The following ANKS1B variants were observed in gnomAD, a reference collection of about 807,000 sequenced individuals.
ANKS1B encodes ankyrin repeat and sterile alpha motif domain containing 1B, also known as ankyrin repeat and sterile alpha motif domain-containing protein 1B.
ANKS1B carries 36 observed loss-of-function variants against 148.3 expected under a neutral mutation model. The observed-to-expected ratio is 0.24, with a 90% confidence interval of 0.19 to 0.32. The LOEUF is 0.32. Ranked by LOEUF, ANKS1B falls within the 10% of genes least tolerant of loss-of-function variation. The probability of loss-of-function intolerance (pLI) is 1.00; values close to 1 mark genes in which losing one functional copy is unlikely to be tolerated. For synonymous variants in ANKS1B, 542 were observed against 560.8 expected, an observed-to-expected ratio of 0.97 and a Z score of 0.47; for missense variants, 1,157 against 1,542.6, an observed-to-expected ratio of 0.75 and a Z score of 4.19.
At chr12:99,317,090 G>T (rs2084260606) in intron 12 of ANKS1B, among the ~76,000 whole-genome samples, 1 of 152,180 alleles carries the variant, frequency 6.6e-6, no homozygotes, top group Non-Finnish European at 1.5e-5. Context: ...ATAATTTGAA[G>T]TCAGGTAGCG....
At chr12:98,900,209 C>T (rs559553005) in intron 17 of ANKS1B, among the ~76,000 whole-genome samples, 3 of 152,250 alleles carry the variant, frequency 2.0e-5, no homozygotes, top group South Asian at 2.1e-4. Context: ...AATTTATTTA[C>T]GACTTGGTCT....
downstream of ANKS1B, among the ~76,000 whole-genome samples, chr12:98,742,359 T>C (rs73378483): frequency 7.3e-3 from 1,115 of 152,070 alleles, 11 homozygotes; most frequent in African/African-American, 0.021. Context: ...TTTTTTTTTT[T>C]CCCCAAACAA....
chr12:99,662,792 C>T (rs2098484041), intron 8 of ANKS1B, among the ~76,000 whole-genome samples: 1 of 152,096 alleles, frequency 6.6e-6, no homozygotes, highest in Non-Finnish European at 1.5e-5. Context: ...AACTCCTCCC[C>T]CTCCCCTATC....
In ANKS1B at chr12:99,102,327, T is replaced by C. The variant is rs150087973; in HGVS notation, c.2527-17304A>G. Among the ~76,000 whole-genome samples the C allele has an allele frequency of 6.6e-3, 1,000 of 152,292 alleles. 12 individuals carry two copies. The highest frequency in any genetic ancestry group is 0.022 in the African/African-American group (924 of 41,570). ...GGGTGGAGACAATGAATGTAGACGA[T>C]TGTTTTGAGAAATCTGAATGAGTAA... is the stretch of plus-strand genomic sequence containing the variant. On this transcript the variant is annotated intron_variant, in intron 15 of 26. Coordinates refer to ENST00000683438, the MANE Select transcript of ANKS1B (RefSeq NM_001352186.2).
Position 99,880,094 on chromosome 12 carries a change from G to C in ANKS1B, c.135-54705C>G, listed in dbSNP as rs150678352. ...TATCCTCTTGACCTGAAAAAATGTA[G>C]AGTGATGATGAGGATTAAGTGAACA... On this transcript the variant is annotated intron_variant, in intron 1 of 26. Transcript: ENST00000683438. Among the ~76,000 whole-genome samples the C allele has an allele frequency of 5.9e-5, 9 of 152,250 alleles. No individual in the cohort carries two copies. The East Asian group carries it at 1.7e-3, about 29-fold the overall frequency.
chr12:99,731,409 G>A lies in ANKS1B; in HGVS notation c.1128+41513C>T, dbSNP rs1301663234. Among the ~76,000 whole-genome samples, 12 of 126,688 alleles carry A rather than the reference G, an allele frequency of 9.5e-5. No individual in the cohort carries two copies. In the South Asian group the frequency reaches 1.7e-3, roughly 18 times the overall value. The allele number at this position is 126,688 out of a possible 152,430, so 83.1% of individuals were successfully genotyped here. On this transcript the variant is annotated intron_variant, in intron 8 of 26. Coordinates refer to ENST00000683438, the MANE Select transcript of ANKS1B (RefSeq NM_001352186.2). Reference sequence around the variant, plus strand: ...GCTGGGATTATAGGCGTGAACCACCGTGCCGTGTGTGTGTGTGTGTGTGTG... The same window carrying A: ...GCTGGGATTATAGGCGTGAACCACCATGCCGTGTGTGTGTGTGTGTGTGTG...
rs190925787 is a variant in ANKS1B, at chr12:99,860,258, T to C, written c.135-34869A>G. On this transcript the variant is annotated intron_variant, in intron 1 of 26. Coordinates refer to ENST00000683438, the MANE Select transcript of ANKS1B (RefSeq NM_001352186.2). ...GGAGAAGGCTTTACAGCAAAGAACA[T>C]GAGATCTTGAGTGGTGTCCTAAAAG... Among the ~76,000 whole-genome samples, 242 of 152,130 alleles carry C rather than the reference T, an allele frequency of 1.6e-3. 2 individuals are homozygous for C. The highest frequency in any genetic ancestry group is 9.6e-3 in the South Asian group (46 of 4,810).
At chr12:99,416,233 T>C (rs1293191609) in intron 11 of ANKS1B, among the ~76,000 whole-genome samples, 1 of 152,220 alleles carries the variant, frequency 6.6e-6, no homozygotes, top group Admixed American at 6.5e-5. Context: ...TTCAATGACA[T>C]GGATGTTTAA....
chr12:99,121,307 G>A (rs9888339), intron 15 of ANKS1B, among the ~76,000 whole-genome samples: 7,804 of 146,242 alleles, frequency 0.053, 448 homozygotes, highest in African/African-American at 0.14. Flanking sequence ...TTTTAACAGT[G>A]TGTGTATGTA....
At chr12:99,228,724 G>T (rs566796184) in intron 14 of ANKS1B, among the ~76,000 whole-genome samples, 1 of 151,850 alleles carries the variant, frequency 6.6e-6, no homozygotes, top group Non-Finnish European at 1.5e-5. Flanking sequence ...TTGACCAGGG[G>T]TTTATTAAAA....
intron 17 of ANKS1B, among the ~76,000 whole-genome samples, chr12:98,911,113 A>T (rs2099786252): frequency 6.6e-6 from 1 of 151,898 alleles, no homozygotes; most frequent in African/African-American, 2.4e-5. Context: ...TTTTTTTTTT[A>T]AACTGTGATA....
intron 8 of ANKS1B, among the ~76,000 whole-genome samples, chr12:99,730,861 C>T (rs879662366): frequency 1.4e-4 from 22 of 152,044 alleles, no homozygotes; most frequent in Non-Finnish European, 1.9e-4. Flanking sequence ...TTTAAATGTC[C>T]GTAAGACTAT....
intron 17 of ANKS1B, among the ~76,000 whole-genome samples, chr12:98,873,305 C>T (rs200790): frequency 0.7 from 106,742 of 152,014 alleles, 37,653 homozygotes; most frequent in Middle Eastern, 0.79. Flanking sequence ...GAGGGACTTA[C>T]CTTTGTGGTC....
intron 15 of ANKS1B, among the ~76,000 whole-genome samples, chr12:99,087,903 C>T (rs980124236): frequency 2.7e-5 from 4 of 147,858 alleles, no homozygotes; most frequent in African/African-American, 1.0e-4. Context: ...TGTTCTTCCT[C>T]TACACCTCCA....
chr12:99,624,354 T>TA (rs1426176635), intron 9 of ANKS1B, among the ~76,000 whole-genome samples: 1 of 151,998 alleles, frequency 6.6e-6, no homozygotes, highest in Non-Finnish European at 1.5e-5. Flanking sequence ...ACAAAGAGTT[T>TA]ATGGCAATAT....
chr12:99,943,725 G>C (rs2153817718), intron 1 of ANKS1B, among the ~76,000 whole-genome samples: 1 of 152,158 alleles, frequency 6.6e-6, no homozygotes, highest in Admixed American at 6.5e-5. Context: ...GGGGATTATG[G>C]AAGCTACAGT....
At chr12:99,859,305 T>C (rs2089680326) in intron 1 of ANKS1B, among the ~76,000 whole-genome samples, 1 of 152,174 alleles carries the variant, frequency 6.6e-6, no homozygotes, top group Non-Finnish European at 1.5e-5. Context: ...GCAAGTAAAA[T>C]AAACATTAAC....
At chr12:99,545,852 A>C (rs2097168415) in intron 9 of ANKS1B, among the ~76,000 whole-genome samples, 1 of 151,340 alleles carries the variant, frequency 6.6e-6, no homozygotes, top group African/African-American at 2.4e-5. Flanking sequence ...AATGACATTG[A>C]GACTTTACCT....
At chr12:99,276,222 C>T (rs2077646715) in intron 12 of ANKS1B, among the ~76,000 whole-genome samples, 1 of 152,170 alleles carries the variant, frequency 6.6e-6, no homozygotes, top group Admixed American at 6.6e-5. Context: ...TTTCATCTCA[C>T]TAGACGGTTT....
Sources: gnomAD v4.1 joint callset for allele counts (sites outside exome capture counted in the v4.1 genomes callset) on GRCh38, gnomAD v4.1.1 for gene constraint, MANE v1.5 for transcripts, NCBI Gene and HGNC (gene_info 2026-07-23, HGNC 2026-07-21) for gene names.